Variants in SLC9C1 observed in about 807,000 individuals in gnomAD.
SLC9C1 encodes the protein solute carrier family 9 member C1, also known as sodium/hydrogen exchanger 10.
SLC9C1 carries 97 observed loss-of-function variants against 140.9 expected under a neutral mutation model. The observed-to-expected ratio is 0.69, with a 90% CI of 0.58 to 0.82. The LOEUF (loss-of-function observed/expected upper bound fraction) is 0.82, where lower values mean the gene tolerates loss of function less well. Ranked by LOEUF, SLC9C1 falls within the 40% of genes least tolerant of loss-of-function variation. The pLI, the probability that SLC9C1 is intolerant of heterozygous loss-of-function variation, is 0.00. For missense variants in SLC9C1, 1,340 were observed against 1,389.3 expected, an observed-to-expected ratio of 0.96 and a Z score of 0.56; for synonymous variants, 440 against 442.6, an observed-to-expected ratio of 0.99 and a Z score of 0.07.
chr3:112,167,215 A>T lies in SLC9C1; in HGVS notation c.3364+6T>A. On this transcript the variant is annotated splice_donor_region_variant and intron_variant, in intron 26 of 28. Transcript: ENST00000305815. ...TTTCACAATTGCTGAAAGAAGTCTA[A>T]CTCACCTATTAATCCTGGTGTAAGA... is the stretch of plus-strand genomic sequence containing the variant. 1 of 1,605,516 alleles carries T rather than the reference A, an allele frequency of 6.2e-7. No individual in the cohort carries two copies. Among genetic ancestry groups the T allele is most frequent in the Non-Finnish European group, 8.5e-7 (1 of 1,176,730 alleles).
chr3:112,264,393 A>G, intron 8 of SLC9C1, 50 bp from the exon 9 acceptor site: 1 of 1,107,902 alleles, frequency 9.0e-7, no homozygotes. Flanking sequence ...TTAATTTGAC[A>G]TCTTTATTAC....
At chr3:112,193,658 G>T (rs1344449550) in intron 20 of SLC9C1, among the ~76,000 whole-genome samples, 1 of 152,114 alleles carries the variant, frequency 6.6e-6, no homozygotes, top group Non-Finnish European at 1.5e-5. Context: ...TGTCCATAAG[G>T]TTAATGGTGG....
At chr3:112,224,397 C>CAA (rs58631526) in intron 13 of SLC9C1, among the ~76,000 whole-genome samples, 40 of 151,580 alleles carry the variant, frequency 2.6e-4, no homozygotes, top group Middle Eastern at 3.4e-3. Flanking sequence ...TGCAAGGATA[C>CAA]AAAAAAAACA....
At chr3:112,214,838 A>G (rs892070307) in intron 15 of SLC9C1, among the ~76,000 whole-genome samples, 1 of 152,240 alleles carries the variant, frequency 6.6e-6, no homozygotes, top group Non-Finnish European at 1.5e-5. Flanking sequence ...AAAAAGAGGG[A>G]ATCCTCCCTA....
At chr3:112,288,042 CA>C (rs11462109) in intron 1 of SLC9C1, among the ~76,000 whole-genome samples, 22,560 of 80,596 alleles carry the variant, frequency 0.28, 779 homozygotes, top group Middle Eastern at 0.35. Flanking sequence ...GACTCCGTCT[CA>C]AAAAAAAAAA....
intron 13 of SLC9C1, among the ~76,000 whole-genome samples, chr3:112,224,607 AAAT>A (rs200002743): frequency 1.6e-4 from 10 of 63,580 alleles, no homozygotes; most frequent in East Asian, 7.7e-3. Flanking sequence ...TATTATAAAA[AAAT>A]AACTGAACAG....
chr3:112,167,589 A>C (rs1273098040), intron 25 of SLC9C1, among the ~76,000 whole-genome samples: 4 of 152,140 alleles, frequency 2.6e-5, no homozygotes, highest in African/African-American at 9.7e-5. Context: ...AAAATGATTA[A>C]GAATGAATTA....
rs577556488 is a variant in SLC9C1, at chr3:112,250,452, G to A, written c.1198-6376C>T. Among the ~76,000 whole-genome samples, 547 of 135,424 alleles carry A rather than the reference G, an allele frequency of 4.0e-3. 20 individuals carry two copies. The highest frequency in any genetic ancestry group is 0.014 in the African/African-American group (501 of 35,986). 88.8% of individuals were successfully genotyped at this position (135,424 alleles called of 152,430 possible). On this transcript the variant is annotated intron_variant, in intron 10 of 28. Coordinates refer to ENST00000305815, the MANE Select transcript of SLC9C1 (RefSeq NM_183061.3). ...TAGTAATGGGATGGCTGGGTCAAAT[G>A]GTATTTCTAGTTCTAGGTCCCTGAG...
intron 20 of SLC9C1, among the ~76,000 whole-genome samples, chr3:112,198,371 A>G (rs2077819136): frequency 6.6e-6 from 1 of 151,916 alleles, no homozygotes; most frequent in East Asian, 1.9e-4. Flanking sequence ...AAATAATAGC[A>G]CTTTTCTCCT....
intron 10 of SLC9C1, among the ~76,000 whole-genome samples, chr3:112,258,969 AACTC>A (rs1329323484): frequency 5.3e-5 from 8 of 152,202 alleles, no homozygotes; most frequent in Admixed American, 3.3e-4. Flanking sequence ...ATCTCATGAG[AACTC>A]ACTCACTATC....
intron 23 of SLC9C1, among the ~76,000 whole-genome samples, chr3:112,178,136 TA>T (rs1382712465): frequency 2.7e-5 from 4 of 149,780 alleles, no homozygotes; most frequent in Non-Finnish European, 5.9e-5. Context: ...TACCACTACA[TA>T]TTTTTTTTTT....
chr3:112,254,176 G>T (rs527471246), intron 10 of SLC9C1, among the ~76,000 whole-genome samples: 37 of 152,238 alleles, frequency 2.4e-4, no homozygotes, highest in Non-Finnish European at 3.7e-4. Flanking sequence ...TCAGAAAATT[G>T]TTCATGAAAC....
chr3:112,222,693 T>C (rs2078575023), intron 13 of SLC9C1, among the ~76,000 whole-genome samples: 1 of 152,148 alleles, frequency 6.6e-6, no homozygotes, highest in Non-Finnish European at 1.5e-5. Context: ...CCTTCATTTA[T>C]TTTGTGGGTT....
chr3:112,197,273 A>G (rs2077791068), intron 20 of SLC9C1, among the ~76,000 whole-genome samples: 1 of 152,196 alleles, frequency 6.6e-6, no homozygotes, highest in Non-Finnish European at 1.5e-5. Flanking sequence ...GGTTAAAAAA[A>G]GTGTTGGCCC....
chr3:112,205,866 A>G (rs1360656886), intron 16 of SLC9C1, among the ~76,000 whole-genome samples: 1 of 81,304 alleles, frequency 1.2e-5, no homozygotes, highest in Non-Finnish European at 2.6e-5. Context: ...GATGGATTAA[A>G]GACTTAAACA....
intron 7 of SLC9C1, among the ~76,000 whole-genome samples, chr3:112,269,324 G>T (rs964143016): frequency 6.6e-6 from 1 of 152,058 alleles, no homozygotes; most frequent in African/African-American, 2.4e-5. Flanking sequence ...TACCCAGACT[G>T]GTCTCGAAAT....
At position 112,179,525 on chromosome 3, in the gene SLC9C1, T is replaced by C; in HGVS notation, c.2919+6A>G. On this transcript the variant is annotated splice_donor_region_variant and intron_variant, in intron 23 of 28. Transcript: ENST00000305815. ...CAACAAAAGTCACAGGCGAAGTTTT[T>C]CTGACCTCCACTACAGTTTTGCAGG... is the stretch of plus-strand genomic sequence containing the variant. 6.3e-7 allele frequency: 1 copy of C among 1,588,164 alleles called. No homozygotes were observed. Among genetic ancestry groups the C allele is most frequent in the Non-Finnish European group, 8.5e-7 (1 of 1,172,498 alleles).
intron 20 of SLC9C1, chr3:112,185,851 C>T: frequency 6.3e-7 from 1 of 1,588,818 alleles, no homozygotes; most frequent in Non-Finnish European, 8.5e-7. Flanking sequence ...GGGCCCGGGA[C>T]TGCGCGGCAC....
intron 23 of SLC9C1, among the ~76,000 whole-genome samples, chr3:112,175,633 A>C (rs1353494214): frequency 6.6e-6 from 1 of 152,202 alleles, no homozygotes; most frequent in Non-Finnish European, 1.5e-5. Context: ...GTTGGCCAAC[A>C]CCAGCAGGGG....
Sources: gnomAD v4.1 joint callset for allele counts (sites outside exome capture counted in the v4.1 genomes callset) on GRCh38, gnomAD v4.1.1 for gene constraint, MANE v1.5 for transcripts, NCBI Gene and HGNC (gene_info 2026-07-23, HGNC 2026-07-21) for gene names.